Variants in VEGFD observed in about 807,000 individuals in gnomAD.
VEGFD encodes vascular endothelial growth factor D, also known as c-fos induced growth factor (vascular endothelial growth factor D).
In VEGFD, 26 loss-of-function variants were observed where a neutral mutation model predicts 28.0. That is an observed-to-expected ratio of 0.93 (90% confidence interval 0.68 to 1.29). The LOEUF is 1.29. VEGFD is among the 50% of genes most tolerant of loss of function. The pLI, the probability that VEGFD is intolerant of heterozygous loss-of-function variation, is 0.00. For missense variants in VEGFD, 294 were observed against 273.4 expected, an observed-to-expected ratio of 1.08 and a Z score of -0.53; for synonymous variants, 93 against 95.5, an observed-to-expected ratio of 0.97 and a Z score of 0.15.
chrX:15,356,013 G>T (rs776146333), intron 3 of VEGFD, among the ~76,000 whole-genome samples: 1 of 112,198 alleles, frequency 8.9e-6, no homozygotes, highest in Non-Finnish European at 1.9e-5. Flanking sequence ...TGTATTAATA[G>T]CTGACTGATA....
intron 3 of VEGFD, among the ~76,000 whole-genome samples, chrX:15,355,629 A>T (rs1434522849): frequency 8.9e-6 from 1 of 112,425 alleles, no homozygotes; most frequent in African/African-American, 3.2e-5. Flanking sequence ...TATTCAAACT[A>T]TTTATTCATC....
chrX:15,350,294 C>T (rs2147735029), intron 5 of VEGFD, among the ~76,000 whole-genome samples: 1 of 111,618 alleles, frequency 9.0e-6, no homozygotes, highest in African/African-American at 3.3e-5. Flanking sequence ...GCCCTGAGTG[C>T]TCATATACCC....
Position 15,363,160 on chromosome X carries a change from G to A in VEGFD, c.250C>T (p.His84Tyr), listed in dbSNP as rs1159283504. 5.0e-6 allele frequency: 6 copies of A among 1,211,172 alleles called. No individual in the cohort carries two copies. Among genetic ancestry groups the A allele is most frequent in the Non-Finnish European group, 6.7e-6 (6 of 895,312 alleles). The change falls in exon 2 of 7, where the codon CAT becomes TAT. Residue 84 changes from histidine to tyrosine, a missense_variant. Physicochemically the swap from His to Tyr is moderately conservative, Grantham distance 83 (BLOSUM62 2). Coordinates refer to ENST00000297904, the MANE Select transcript of VEGFD (RefSeq NM_004469.5). ...GTTGCCGCAAACCTAGTGGACCGAT[G>A]GGATGCTGAGCGAGAGTCCATACTG... ...FTSMDSRSASHRSTRFAATFY... is the reference protein window; with the variant it reads ...FTSMDSRSASYRSTRFAATFY...
intron 1 of VEGFD, among the ~76,000 whole-genome samples, chrX:15,368,031 G>GAAAGAAAGA (rs753106829): frequency 0.015 from 395 of 26,836 alleles, 4 homozygotes; most frequent in Middle Eastern, 0.045. Context: ...AGAAAGAAAG[G>GAAAGAAAGA]AAAGAAGAAA....
At chrX:15,346,468 A>G (rs746393749) in intron 6 of VEGFD, among the ~76,000 whole-genome samples, 7 of 112,191 alleles carry the variant, frequency 6.2e-5, no homozygotes, top group African/African-American at 2.3e-4. Flanking sequence ...CTTGCTATAT[A>G]AATCCAATGA....
chrX:15,379,409 G>A (rs181196647), intron 1 of VEGFD, among the ~76,000 whole-genome samples: 61 of 111,920 alleles, frequency 5.5e-4, no homozygotes, highest in African/African-American at 1.8e-3. Flanking sequence ...GATTCTTTAT[G>A]AACTAGGACA....
chrX:15,350,821 C>G (rs867732042), intron 5 of VEGFD, among the ~76,000 whole-genome samples: 1 of 90,102 alleles, frequency 1.1e-5, no homozygotes. Flanking sequence ...TTCTCTCTCT[C>G]TCTCTTTCTT....
At position 15,379,768 on chromosome X, in the gene VEGFD, C is replaced by T. The variant is rs924682788; in HGVS notation, c.90+4089G>A. On this transcript the variant is annotated intron_variant, in intron 1 of 6. Transcript: ENST00000297904. ...GTAATAATAAATGTATCTGGGAGTC[C>T]CAGATCTTATTACCTCAAGTTCTAC... Among the ~76,000 whole-genome samples the T allele has an allele frequency of 2.4e-4, 27 of 111,679 alleles. 1 individual carries two copies. The highest frequency in any genetic ancestry group is 2.0e-3 in the East Asian group (7 of 3,558).
In VEGFD at chrX:15,355,211, T is replaced by C. The variant is rs759134392; in HGVS notation, c.580A>G (p.Thr194Ala). ...ATTGAGTATGGATGGCGGGGGGCTG[T>C]TGGCAAGCACTTACAACCTGTATGA... ...ANHTGCKCLP[T>A]APRHPYSIIR... The change falls in exon 4 of 7, where the codon ACA (threonine) becomes GCA (alanine). Residue 194 changes from threonine to alanine, a missense_variant. Physicochemically the swap from Thr to Ala is moderately conservative, Grantham distance 58. Transcript: ENST00000297904. The C allele has an allele frequency of 4.1e-6, 5 of 1,206,807 alleles. No homozygotes were observed. Among genetic ancestry groups the C allele is most frequent in the Non-Finnish European group, 5.6e-6 (5 of 893,509 alleles).
At chrX:15,354,746 A>G (rs1922821574) in intron 4 of VEGFD, among the ~76,000 whole-genome samples, 1 of 111,742 alleles carries the variant, frequency 8.9e-6, no homozygotes, top group East Asian at 2.8e-4. Context: ...TCACTCCCCA[A>G]TGACCCCAGG....
At chrX:15,347,131 A>G (rs1922571885) in intron 6 of VEGFD, 33 bp downstream of exon 6, 1 of 1,157,632 alleles carries the variant, frequency 8.6e-7, no homozygotes, top group African/African-American at 1.8e-5. Context: ...GTTAAATGTC[A>G]TGAGTAAAGG....
At chrX:15,368,082 G>A (rs868719000) in intron 1 of VEGFD, among the ~76,000 whole-genome samples, 5 of 83,478 alleles carry the variant, frequency 6.0e-5, no homozygotes, top group African/African-American at 2.3e-4. Flanking sequence ...AAGAAAGAAA[G>A]AAAAGAAAGA....
intron 1 of VEGFD, 125 bp from the exon 2 acceptor site, chrX:15,363,444 T>C (rs1449770286): frequency 3.7e-6 from 2 of 541,116 alleles, no homozygotes; most frequent in Non-Finnish European, 5.8e-6. Context: ...TTGAAACGTA[T>C]GCCAGTGCCT....
intron 5 of VEGFD, among the ~76,000 whole-genome samples, chrX:15,351,724 A>G (rs1003671428): frequency 8.9e-6 from 1 of 112,594 alleles, no homozygotes; most frequent in Non-Finnish European, 1.9e-5. Flanking sequence ...TGTACAACAC[A>G]CACTGGATTT....
intron 5 of VEGFD, 55 bp downstream of exon 5, chrX:15,353,012 TG>T (rs1336161418): frequency 8.9e-5 from 58 of 648,189 alleles, no homozygotes; most frequent in Non-Finnish European, 2.2e-5. Context: ...TAACGGTTGC[TG>T]CTATTGTTGC....
rs1300040613 is a variant in VEGFD at position 15,353,006 on chromosome X, G to C, written c.742+62C>G. On this transcript the variant is annotated intron_variant, in intron 5 of 6. Transcript: ENST00000297904. The stretch of plus-strand genomic sequence containing the variant: ...CTGGTCATACTAAGTACTCAATAAC[G>C]GTTGCTGCTATTGTTGCTACTTTTA... 5 of 597,709 alleles carry C rather than the reference G, an allele frequency of 8.4e-6. No homozygotes were observed. The Admixed American group carries it at 1.4e-4, about 16-fold the overall frequency. The allele number at this position is 597,709 out of a possible 1,213,427, so 49.3% of individuals were successfully genotyped here.
chrX:15,353,097 T>G lies in VEGFD; in HGVS notation c.713A>C (p.Gln238Pro). The G allele has an allele frequency of 8.4e-7, 1 of 1,185,119 alleles. No individual in the cohort carries two copies. Among genetic ancestry groups the G allele is most frequent in the Middle Eastern group, 2.4e-4 (1 of 4,254 alleles). The change falls in exon 5 of 7, where the codon CAG becomes CCG. Residue 238 changes from glutamine (Q) to proline (P), a missense_variant. Transcript: ENST00000297904. The part of the protein sequence containing the change: ...WDSNKCKCVL[Q>P]EENPLAGTED... ...TGTTCCAGCAAGTGGATTTTCCTCC[T>G]GCAAAACACATTTACATTTGTTGCT... is the stretch of plus-strand genomic sequence containing the variant.
intron 2 of VEGFD, 48 bp from the exon 3 acceptor site, chrX:15,358,241 T>A (rs750816312): frequency 5.6e-6 from 6 of 1,074,329 alleles, no homozygotes; most frequent in Non-Finnish European, 7.6e-6. Flanking sequence ...GGAATGGTCC[T>A]GGTGTGCCAA....
chrX:15,368,565 A>G (rs931274917), intron 1 of VEGFD, among the ~76,000 whole-genome samples: 6 of 112,411 alleles, frequency 5.3e-5, no homozygotes, highest in African/African-American at 1.6e-4. Flanking sequence ...TTTGTTCCCA[A>G]TCGGCTTTCT....
Sources: gnomAD v4.1 joint callset for allele counts (sites outside exome capture counted in the v4.1 genomes callset) on GRCh38, gnomAD v4.1.1 for gene constraint, MANE v1.5 for transcripts, NCBI Gene and HGNC (gene_info 2026-07-23, HGNC 2026-07-21) for gene names.